Variants in RAB38 observed in about 807,000 individuals in gnomAD.
The protein encoded by RAB38 is RAB38, member RAS oncogene family.
RAB38 carries 15 observed loss-of-function variants against 18.4 expected under a neutral mutation model. The ratio of observed to expected loss-of-function variants is 0.82; its 90% CI spans 0.55 to 1.26. RAB38 has a LOEUF of 1.26. Ranked by LOEUF, RAB38 falls within the 50% of genes most tolerant of loss-of-function variation. The pLI, the probability that RAB38 is intolerant of heterozygous loss-of-function variation, is 0.00. For synonymous variants in RAB38, 101 were observed against 104.4 expected (o/e 0.97, Z 0.20); for missense variants, 294 against 267.4 (o/e 1.10, Z -0.69).
At chr11:87,974,759 T>C in the RAB38 span, among the ~76,000 whole-genome samples, 1 of 151,192 alleles carries the variant, frequency 6.6e-6, no homozygotes, top group Non-Finnish European at 1.5e-5. Context: ...GGGATTATTA[T>C]ATAAATTACA....
the RAB38 span, among the ~76,000 whole-genome samples, chr11:88,056,338 T>C: frequency 5.6e-4 from 85 of 152,284 alleles, 1 homozygote; most frequent in South Asian, 2.5e-3. Flanking sequence ...GGAATGTTAA[T>C]AGCTGCTCTG....
At chr11:88,048,447 C>A in the RAB38 span, among the ~76,000 whole-genome samples, 1 of 152,186 alleles carries the variant, frequency 6.6e-6, no homozygotes, top group Non-Finnish European at 1.5e-5. Context: ...GCAGAACAGA[C>A]TAATGGTCTT....
At chr11:88,036,038 T>C in the RAB38 span, among the ~76,000 whole-genome samples, 3 of 152,208 alleles carry the variant, frequency 2.0e-5, no homozygotes, top group Non-Finnish European at 4.4e-5. Flanking sequence ...ATAGTTGTTC[T>C]TAGTTGTAAT....
At chr11:87,900,944 A>G in the RAB38 span, among the ~76,000 whole-genome samples, 1 of 151,604 alleles carries the variant, frequency 6.6e-6, no homozygotes, top group East Asian at 2.0e-4. Context: ...GTTTTTTAAT[A>G]TATATGTTTA....
chr11:87,877,185 C>T, the RAB38 span, among the ~76,000 whole-genome samples: 1 of 151,480 alleles, frequency 6.6e-6, no homozygotes, highest in Non-Finnish European at 1.5e-5. Context: ...CCTCTTTATA[C>T]ACTGCTTCTT....
chr11:87,957,150 T>C, the RAB38 span, among the ~76,000 whole-genome samples: 6 of 152,154 alleles, frequency 3.9e-5, no homozygotes, highest in East Asian at 5.8e-4. Context: ...CTCCCACAAA[T>C]TGATTCCCCC....
intron 1 of RAB38, among the ~76,000 whole-genome samples, chr11:88,169,508 G>A (rs1321663294): frequency 1.3e-5 from 2 of 152,192 alleles, no homozygotes; most frequent in African/African-American, 4.8e-5. Context: ...AGATGGAATT[G>A]TAAGCCTGAG....
At chr11:87,896,221 C>A in the RAB38 span, among the ~76,000 whole-genome samples, 9,002 of 151,720 alleles carry the variant, frequency 0.059, 356 homozygotes, top group Non-Finnish European at 0.086. Flanking sequence ...ATTGCAAGCC[C>A]CCGACCTTCC....
chr11:88,005,336 A>T, the RAB38 span, among the ~76,000 whole-genome samples: 1 of 151,348 alleles, frequency 6.6e-6, no homozygotes, highest in East Asian at 1.9e-4. Flanking sequence ...AGTCACATAT[A>T]TGTGGTCAAT....
chr11:88,145,741 T>G (rs186761821), intron 2 of RAB38, among the ~76,000 whole-genome samples: 1 of 152,198 alleles, frequency 6.6e-6, no homozygotes, highest in Non-Finnish European at 1.5e-5. Context: ...TAAGGTATGA[T>G]GTAGAGAGTA....
At chr11:87,821,997 G>A in the RAB38 span, among the ~76,000 whole-genome samples, 4 of 151,940 alleles carry the variant, frequency 2.6e-5, no homozygotes, top group African/African-American at 9.7e-5. Context: ...GAAAAAAACT[G>A]ATTAATTTTA....
At chr11:87,807,579 A>G in the RAB38 span, among the ~76,000 whole-genome samples, 1 of 152,240 alleles carries the variant, frequency 6.6e-6, no homozygotes, top group African/African-American at 2.4e-5. Flanking sequence ...TAATATAAAA[A>G]TTGTTTTTGT....
At chr11:88,059,559 G>C in the RAB38 span, among the ~76,000 whole-genome samples, 3 of 152,186 alleles carry the variant, frequency 2.0e-5, no homozygotes, top group Non-Finnish European at 4.4e-5. Flanking sequence ...TTTGGCTTCT[G>C]CCCAGAGTGT....
chr11:87,878,971 A>ATTTTTTTTT, the RAB38 span, among the ~76,000 whole-genome samples: 1 of 133,752 alleles, frequency 7.5e-6, no homozygotes. Context: ...GCAATTACTG[A>ATTTTTTTTT]TTTTTTTTTT....
At chr11:88,160,226 C>A (rs1461930550) in intron 1 of RAB38, among the ~76,000 whole-genome samples, 1 of 151,926 alleles carries the variant, frequency 6.6e-6, no homozygotes, top group South Asian at 2.1e-4. Context: ...GAAAAAATAT[C>A]CCATATCACT....
chr11:87,977,296 C>T, the RAB38 span, among the ~76,000 whole-genome samples: 2 of 129,514 alleles, frequency 1.5e-5, no homozygotes, highest in African/African-American at 6.1e-5. Context: ...TTATATTATA[C>T]AAGTATATTA....
At chr11:87,854,801 T>G in the RAB38 span, among the ~76,000 whole-genome samples, 3,022 of 152,232 alleles carry the variant, frequency 0.02, 94 homozygotes, top group African/African-American at 0.069. Context: ...TTATGATTCC[T>G]TTTTCTTTTT....
the RAB38 span, among the ~76,000 whole-genome samples, chr11:87,961,958 C>T: frequency 1.3e-5 from 2 of 152,156 alleles, no homozygotes; most frequent in East Asian, 1.9e-4. Context: ...AAAGAACCAA[C>T]TCCCCATTCA....
At chr11:88,047,703 G>T in the RAB38 span, among the ~76,000 whole-genome samples, 1 of 152,298 alleles carries the variant, frequency 6.6e-6, no homozygotes, top group Non-Finnish European at 1.5e-5. Context: ...TCACTGCAAA[G>T]GACATCAAAA....
Sources: allele counts gnomAD v4.1 joint callset (sites outside exome capture counted in the v4.1 genomes callset), GRCh38; gene constraint gnomAD v4.1.1; transcripts MANE v1.5; gene names NCBI Gene and HGNC (gene_info 2026-07-23, HGNC 2026-07-21).